DLG2: variants seen among roughly 807,000 people sequenced by gnomAD.
The protein encoded by DLG2 is disks large homolog 2.
DLG2 carries 45 observed loss-of-function variants against 132.5 expected under a neutral mutation model. The ratio of observed to expected loss-of-function variants is 0.34; its 90% CI spans 0.27 to 0.44. DLG2 has a LOEUF of 0.44. Ranked by LOEUF, DLG2 falls within the 20% of genes least tolerant of loss-of-function variation. DLG2 has a pLI of 1.00. For missense variants in DLG2, 1,045 were observed against 1,196.9 expected (o/e 0.87, Z 1.87); for synonymous variants, 424 against 419.6 (o/e 1.01, Z -0.13).
At chr11:84,426,027 C>T (rs2098965334) in intron 7 of DLG2, among the ~76,000 whole-genome samples, 1 of 152,002 alleles carries the variant, frequency 6.6e-6, no homozygotes, top group African/African-American at 2.4e-5. Flanking sequence ...AATTATATAA[C>T]TGAAAATTTC....
intron 3 of DLG2, among the ~76,000 whole-genome samples, chr11:85,507,759 G>T (rs1267233071): frequency 6.6e-6 from 1 of 152,214 alleles, no homozygotes; most frequent in East Asian, 1.9e-4. Flanking sequence ...GGACTTCCTT[G>T]CTAGGTCTGG....
At chr11:83,768,850 G>A (rs1356873104) in intron 18 of DLG2, among the ~76,000 whole-genome samples, 1 of 152,160 alleles carries the variant, frequency 6.6e-6, no homozygotes, top group African/African-American at 2.4e-5. Context: ...GTTAAGATCT[G>A]GCTGTTGGCC....
At chr11:84,915,990 A>T (rs2092428948) in intron 6 of DLG2, among the ~76,000 whole-genome samples, 1 of 152,158 alleles carries the variant, frequency 6.6e-6, no homozygotes, top group Non-Finnish European at 1.5e-5. Flanking sequence ...AAGAAAAGGA[A>T]ATCATGAACG....
chr11:85,461,260 A>T (rs910115739), intron 3 of DLG2, among the ~76,000 whole-genome samples: 1 of 152,164 alleles, frequency 6.6e-6, no homozygotes, highest in Non-Finnish European at 1.5e-5. Flanking sequence ...TTTCAGCCTT[A>T]AGTTTATTAT....
At chr11:85,276,193 T>C (rs1413526776) in intron 4 of DLG2, among the ~76,000 whole-genome samples, 1 of 152,128 alleles carries the variant, frequency 6.6e-6, no homozygotes, top group East Asian at 1.9e-4. Flanking sequence ...TTTTCAAAGT[T>C]GGATTGACCT....
At chr11:84,893,267 G>C (rs1039075581) in intron 6 of DLG2, among the ~76,000 whole-genome samples, 1 of 152,130 alleles carries the variant, frequency 6.6e-6, no homozygotes, top group African/African-American at 2.4e-5. Flanking sequence ...ACCTCATCAA[G>C]AGTTCGACCC....
intron 3 of DLG2, among the ~76,000 whole-genome samples, chr11:85,300,512 C>G (rs1444917445): frequency 6.6e-6 from 1 of 152,108 alleles, no homozygotes; most frequent in Admixed American, 6.5e-5. Flanking sequence ...AAAGGAGATA[C>G]CCCTTATGCC....
chr11:84,245,250 C>T (rs759231928), intron 8 of DLG2, among the ~76,000 whole-genome samples: 7 of 152,114 alleles, frequency 4.6e-5, no homozygotes, highest in Non-Finnish European at 7.4e-5. Flanking sequence ...ATCTTTTTCC[C>T]TTTAGTTCAC....
At chr11:83,608,707 G>GACAC (rs3040167) in intron 19 of DLG2, among the ~76,000 whole-genome samples, 134 of 150,016 alleles carry the variant, frequency 8.9e-4, no homozygotes, top group African/African-American at 3.1e-3. Flanking sequence ...AATAAATCAG[G>GACAC]ACACACACAC....
chr11:85,404,178 T>C (rs565697962), intron 3 of DLG2, among the ~76,000 whole-genome samples: 1 of 152,024 alleles, frequency 6.6e-6, no homozygotes, highest in Admixed American at 6.6e-5. Context: ...AAATACAAGT[T>C]TGAGCTCAGG....
At chr11:84,384,539 T>C (rs142501920) in intron 7 of DLG2, among the ~76,000 whole-genome samples, 2 of 152,234 alleles carry the variant, frequency 1.3e-5, no homozygotes, top group East Asian at 3.9e-4. Flanking sequence ...ATTCAAATAC[T>C]GAACTGCGTA....
intron 6 of DLG2, among the ~76,000 whole-genome samples, chr11:84,627,777 G>A (rs2099625230): frequency 6.6e-6 from 1 of 152,178 alleles, no homozygotes; most frequent in Non-Finnish European, 1.5e-5. Flanking sequence ...ATGGCAGAAT[G>A]TGAAACAGGA....
At chr11:83,971,398 C>T (rs2091306350) in intron 12 of DLG2, among the ~76,000 whole-genome samples, 2 of 152,062 alleles carry the variant, frequency 1.3e-5, no homozygotes, top group Admixed American at 1.3e-4. Context: ...GAAGGCAAAC[C>T]AGCTGAAGAA....
intron 6 of DLG2, among the ~76,000 whole-genome samples, chr11:85,028,819 G>A (rs1340822574): frequency 6.6e-6 from 1 of 152,078 alleles, no homozygotes; most frequent in Non-Finnish European, 1.5e-5. Flanking sequence ...GTTGCACCCA[G>A]GAGGGGGAGG....
intron 8 of DLG2, among the ~76,000 whole-genome samples, chr11:84,184,174 T>G (rs1427713545): frequency 1.3e-5 from 2 of 152,364 alleles, no homozygotes; most frequent in African/African-American, 4.8e-5. Flanking sequence ...AGGGTTGAAC[T>G]AGTTTACAGT....
chr11:84,449,372 A>T (rs1311260066), intron 7 of DLG2, among the ~76,000 whole-genome samples: 1 of 151,866 alleles, frequency 6.6e-6, no homozygotes, highest in Non-Finnish European at 1.5e-5. Context: ...GCCAATATCA[A>T]TTACAGATAG....
intron 5 of DLG2, among the ~76,000 whole-genome samples, chr11:85,126,312 T>G (rs2075105281): frequency 6.6e-6 from 1 of 152,160 alleles, no homozygotes; most frequent in African/African-American, 2.4e-5. Flanking sequence ...AATCGTATAC[T>G]TTGGTAAGAA....
intron 6 of DLG2, among the ~76,000 whole-genome samples, chr11:84,598,504 T>G (rs571002861): frequency 3.5e-4 from 53 of 152,194 alleles, no homozygotes; most frequent in Non-Finnish European, 6.9e-4. Context: ...TTTTATCTAA[T>G]CCTATTCATC....
At chr11:83,977,648 TCTTAATA>T (rs2092391937) in intron 12 of DLG2, among the ~76,000 whole-genome samples, 1 of 152,080 alleles carries the variant, frequency 6.6e-6, no homozygotes, top group South Asian at 2.1e-4. Flanking sequence ...TAGGCTTATG[TCTTAATA>T]CTCCCGAAGT....
Sources: gnomAD v4.1 joint callset for allele counts (sites outside exome capture counted in the v4.1 genomes callset) on GRCh38, gnomAD v4.1.1 for gene constraint, MANE v1.5 for transcripts, NCBI Gene and HGNC (gene_info 2026-07-23, HGNC 2026-07-21) for gene names.